Variants in SLC29A3 observed in about 807,000 individuals in gnomAD.
SLC29A3 encodes solute carrier family 29 member 3.
SLC29A3 carries 18 observed loss-of-function variants against 25.4 expected under a neutral mutation model. The observed-to-expected ratio is 0.71, with a 90% CI of 0.49 to 1.05. SLC29A3 has a LOEUF of 1.05. Among genes scored for constraint, SLC29A3 ranks in the 50% least tolerant of loss-of-function variants. The pLI, the probability that SLC29A3 is intolerant of heterozygous loss-of-function variation, is 0.00. For missense variants in SLC29A3, 586 were observed against 609.0 expected, an observed-to-expected ratio of 0.96 and a Z score of 0.40; for synonymous variants, 258 against 267.1, an observed-to-expected ratio of 0.97 and a Z score of 0.33.
intron 2 of SLC29A3, among the ~76,000 whole-genome samples, chr10:71,340,060 C>T (rs1163256270): frequency 6.6e-6 from 1 of 152,234 alleles, no homozygotes; most frequent in African/African-American, 2.4e-5. Context: ...AGTGGCTGCC[C>T]AGCCAGGGCT....
intron 5 of SLC29A3, among the ~76,000 whole-genome samples, chr10:71,359,878 G>A (rs1231603489): frequency 6.6e-6 from 1 of 152,228 alleles, no homozygotes; most frequent in African/African-American, 2.4e-5. Context: ...CTGGTTTTCA[G>A]ATACCTGGGA....
At chr10:71,372,945 G>A (rs1016923000) in intron 3 of SLC29A3, among the ~76,000 whole-genome samples, 3 of 152,150 alleles carry the variant, frequency 2.0e-5, no homozygotes, top group Non-Finnish European at 4.4e-5. Context: ...AGGCTGAGGG[G>A]CAAGTCTCAA....
At chr10:71,351,810 G>A in intron 4 of SLC29A3, 22 bp downstream of exon 4, 1 of 1,587,980 alleles carries the variant, frequency 6.3e-7, no homozygotes, top group African/African-American at 1.3e-5. Context: ...GGTCCGGGCA[G>A]CTGACCAGGT....
intron 5 of SLC29A3, among the ~76,000 whole-genome samples, chr10:71,359,613 C>T (rs1051816513): frequency 5.3e-5 from 8 of 152,240 alleles, no homozygotes; most frequent in African/African-American, 1.2e-4. Flanking sequence ...CCCTCCCACA[C>T]ACCCACTCAC....
chr10:71,323,044 C>T lies in SLC29A3; in HGVS notation c.290C>T (p.Ser97Leu), dbSNP rs1055285740. 6.2e-7 allele frequency: 1 copy of T among 1,613,236 alleles called. No individual in the cohort carries two copies. The highest frequency in any genetic ancestry group is 8.5e-7 in the Non-Finnish European group (1 of 1,180,028). Reference sequence around the variant, plus strand: ...GCCACCGGGGAGGACCCTGAGGGCTCAGACATCCTGGTAAGGGCATGTTTC... The same window carrying T: ...GCCACCGGGGAGGACCCTGAGGGCTTAGACATCCTGGTAAGGGCATGTTTC... Reference protein sequence around the residue: ...SPATGEDPEGSDILNYFESYL... With the variant: ...SPATGEDPEGLDILNYFESYL... The change falls in exon 2 of 6, where the codon TCA becomes TTA. Residue 97 changes from serine (S) to leucine (L), a missense_variant. Physicochemically the swap from Ser to Leu is moderately radical, Grantham distance 145. Coordinates refer to ENST00000373189, the MANE Select transcript of SLC29A3 (RefSeq NM_018344.6).
chr10:71,324,993 A>C (rs565534655), intron 2 of SLC29A3, among the ~76,000 whole-genome samples: 1 of 152,240 alleles, frequency 6.6e-6, no homozygotes, highest in South Asian at 2.1e-4. Flanking sequence ...CTGGTGTCTG[A>C]TCTCACTTGA....
At chr10:71,359,384 A>G (rs1224090255) in intron 5 of SLC29A3, among the ~76,000 whole-genome samples, 2 of 152,224 alleles carry the variant, frequency 1.3e-5, no homozygotes, top group African/African-American at 4.8e-5. Context: ...GAGGCGATGC[A>G]GGAAAATTTG....
At chr10:71,328,425 G>A (rs993332075) in intron 2 of SLC29A3, among the ~76,000 whole-genome samples, 6 of 152,262 alleles carry the variant, frequency 3.9e-5, no homozygotes, top group South Asian at 2.1e-4. Flanking sequence ...GAGACCGAGC[G>A]CTGGCTGGGT....
intron 2 of SLC29A3, among the ~76,000 whole-genome samples, chr10:71,332,159 T>G (rs1380406470): frequency 6.6e-6 from 1 of 151,292 alleles, no homozygotes; most frequent in Admixed American, 6.6e-5. Flanking sequence ...TTTCTTTTTT[T>G]TTTTTTTGAG....
At chr10:71,360,268 T>G (rs1317604514) in intron 5 of SLC29A3, among the ~76,000 whole-genome samples, 1 of 150,542 alleles carries the variant, frequency 6.6e-6, no homozygotes, top group African/African-American at 2.4e-5. Flanking sequence ...CTCAGCCTCC[T>G]GAGTAGCTGG....
chr10:71,377,307 C>T (rs1847260209), intron 4 of SLC29A3, among the ~76,000 whole-genome samples: 2 of 152,232 alleles, frequency 1.3e-5, no homozygotes, highest in Non-Finnish European at 2.9e-5. Flanking sequence ...CAGTGACACA[C>T]CAAGCGGGGT....
At chr10:71,351,905 G>A (rs527489791) in intron 4 of SLC29A3, 117 bp downstream of exon 4, 10 of 905,010 alleles carry the variant, frequency 1.1e-5, no homozygotes, top group African/African-American at 1.6e-5. Context: ...GGTGCTGATT[G>A]TGTTTCAGTC....
At chr10:71,347,162 C>T (rs575711670) in intron 3 of SLC29A3, among the ~76,000 whole-genome samples, 576 of 152,256 alleles carry the variant, frequency 3.8e-3, no homozygotes, top group Middle Eastern at 6.8e-3. Flanking sequence ...CCTTTTCTCC[C>T]CTCCTGGAGA....
chr10:71,348,176 T>C (rs762407753), intron 3 of SLC29A3, among the ~76,000 whole-genome samples: 2 of 152,236 alleles, frequency 1.3e-5, no homozygotes, highest in Non-Finnish European at 2.9e-5. Flanking sequence ...ATTTACCCAG[T>C]GCCTGCCAGG....
chr10:71,334,324 C>T (rs1364186341), intron 2 of SLC29A3, among the ~76,000 whole-genome samples: 2 of 152,226 alleles, frequency 1.3e-5, no homozygotes, highest in Non-Finnish European at 2.9e-5. Context: ...AGGCCGACCG[C>T]GTTCCAGTGT....
chr10:71,349,830 G>A (rs988334408), intron 3 of SLC29A3, among the ~76,000 whole-genome samples: 4 of 152,100 alleles, frequency 2.6e-5, no homozygotes, highest in African/African-American at 9.7e-5. Context: ...CCCATTCGTC[G>A]TTACCATCCA....
rs146155756 is a variant in SLC29A3, at chr10:71,357,915, C to T, written c.773+1672C>T. 5.6e-3 allele frequency among the ~76,000 whole-genome samples: 850 copies of T among 152,358 alleles called. 22 individuals are homozygous for T. The highest frequency in any genetic ancestry group is 0.021 in the South Asian group (103 of 4,826). ...AGAAGGCTAAGTGAAGTGCCAGGTG[C>T]GTTAGCCAGCAGAGCTGGGGAGAGA... On this transcript the variant is annotated intron_variant, in intron 5 of 5. Transcript: ENST00000373189.
At chr10:71,346,407 G>T (rs1846582364) in intron 3 of SLC29A3, among the ~76,000 whole-genome samples, 1 of 152,238 alleles carries the variant, frequency 6.6e-6, no homozygotes, top group South Asian at 2.1e-4. Flanking sequence ...GGCCATTAAG[G>T]ATGGAGCCAG....
At chr10:71,323,106 G>A (rs1285712209) in intron 2 of SLC29A3, 52 bp downstream of exon 2, 6 of 1,599,240 alleles carry the variant, frequency 3.8e-6, no homozygotes, top group Non-Finnish European at 5.1e-6. Context: ...GAGGCCTCAT[G>A]CCTCACATGC....
Sources: allele counts gnomAD v4.1 joint callset (sites outside exome capture counted in the v4.1 genomes callset), GRCh38; gene constraint gnomAD v4.1.1; transcripts MANE v1.5; gene names NCBI Gene and HGNC (gene_info 2026-07-23, HGNC 2026-07-21).